ULK4: variants seen among roughly 807,000 people sequenced by gnomAD.
ULK4 encodes the protein inactive serine/threonine-protein kinase ULK4.
ULK4 carries 133 observed loss-of-function variants against 160.6 expected under a neutral mutation model. The observed-to-expected ratio is 0.83, with a 90% CI of 0.72 to 0.96. The LOEUF (loss-of-function observed/expected upper bound fraction) is 0.96. Ranked by LOEUF, ULK4 falls within the 40% of genes least tolerant of loss-of-function variation. The pLI is 0.00. For synonymous variants in ULK4, 534 were observed against 539.8 expected (o/e 0.99, Z 0.15); for missense variants, 1,580 against 1,499.5 (o/e 1.05, Z -0.89).
intron 35 of ULK4, among the ~76,000 whole-genome samples, chr3:41,390,405 C>T (rs964948887): frequency 9.9e-5 from 15 of 152,128 alleles, no homozygotes; most frequent in Non-Finnish European, 1.9e-4. Flanking sequence ...TTGCCTTCTG[C>T]TAGCTTTCGA....
At chr3:41,895,397 T>C (rs1408493330) in intron 16 of ULK4, 121 bp downstream of exon 16, 1 of 491,608 alleles carries the variant, frequency 2.0e-6, no homozygotes, top group Admixed American at 4.5e-5. Context: ...ATGAGTAGAG[T>C]CATCATTACA....
rs554932332 is a variant in ULK4, at chr3:41,488,909, A to T, written c.3227-25656T>A. Among the ~76,000 whole-genome samples, 4 of 152,174 alleles carry T rather than the reference A, an allele frequency of 2.6e-5. No homozygotes were observed. The East Asian group carries it at 7.7e-4, about 29-fold the overall frequency. Reference sequence around the variant, plus strand: ...AGGATATAAAAAATAGAGCTGAGAAAATGACACACTCCAGCCATCCTTCCT... The same window carrying T: ...AGGATATAAAAAATAGAGCTGAGAATATGACACACTCCAGCCATCCTTCCT... On this transcript the variant is annotated intron_variant, in intron 32 of 36. Transcript: ENST00000301831.
At chr3:41,581,514 CCTG>C (rs1037844234) in intron 31 of ULK4, among the ~76,000 whole-genome samples, 20 of 152,146 alleles carry the variant, frequency 1.3e-4, no homozygotes, top group African/African-American at 4.8e-4. Context: ...AATAGTCTTC[CCTG>C]CTAACATCCT....
chr3:41,662,273 G>T (rs1559469463), intron 30 of ULK4, among the ~76,000 whole-genome samples: 1 of 152,154 alleles, frequency 6.6e-6, no homozygotes. Flanking sequence ...AAGATAAAAA[G>T]GGTATTAACT....
intron 32 of ULK4, among the ~76,000 whole-genome samples, chr3:41,534,424 G>A (rs947061229): frequency 6.8e-6 from 1 of 147,154 alleles, no homozygotes; most frequent in African/African-American, 2.5e-5. Context: ...GTCTTAAAAT[G>A]TTAATAATGG....
intron 21 of ULK4, among the ~76,000 whole-genome samples, chr3:41,755,888 T>C (rs1292408633): frequency 2.0e-5 from 3 of 152,154 alleles, no homozygotes; most frequent in Non-Finnish European, 2.9e-5. Context: ...CAAGGAAACA[T>C]TCAATGAAAT....
intron 22 of ULK4, among the ~76,000 whole-genome samples, chr3:41,718,099 C>A (rs1427608797): frequency 1.3e-5 from 2 of 152,036 alleles, no homozygotes; most frequent in Non-Finnish European, 2.9e-5. Context: ...TTTGCCTTGG[C>A]GAATGGAAAC....
chr3:41,421,810 A>C (rs2125837257), intron 34 of ULK4, among the ~76,000 whole-genome samples: 1 of 152,298 alleles, frequency 6.6e-6, no homozygotes, highest in East Asian at 1.9e-4. Flanking sequence ...TCTACACTCC[A>C]AATCATTTAG....
chr3:41,748,701 AATTT>A (rs1264031972), intron 22 of ULK4, among the ~76,000 whole-genome samples: 3 of 152,210 alleles, frequency 2.0e-5, no homozygotes, highest in African/African-American at 2.4e-5. Flanking sequence ...TCACTCTTGT[AATTT>A]ATTTAACTTT....
intron 18 of ULK4, among the ~76,000 whole-genome samples, chr3:41,822,743 A>G (rs1211314430): frequency 1.5e-5 from 1 of 65,512 alleles, no homozygotes; most frequent in East Asian, 3.5e-4. Flanking sequence ...TTTTTTTTTG[A>G]GACAGTCTCG....
At chr3:41,643,701 G>T (rs2125722767) in intron 30 of ULK4, among the ~76,000 whole-genome samples, 1 of 152,132 alleles carries the variant, frequency 6.6e-6, no homozygotes, top group East Asian at 1.9e-4. Context: ...ATATGAACTT[G>T]AAAGCAGTTT....
chr3:41,924,250 C>T (rs1451407965), intron 5 of ULK4, among the ~76,000 whole-genome samples: 1 of 152,138 alleles, frequency 6.6e-6, no homozygotes. Flanking sequence ...GTGCCTTGCT[C>T]ATCGCCATAC....
At chr3:41,755,830 A>T (rs574449997) in intron 21 of ULK4, among the ~76,000 whole-genome samples, 31 of 152,216 alleles carry the variant, frequency 2.0e-4, no homozygotes, top group Non-Finnish European at 3.2e-4. Context: ...TTAGCTAACA[A>T]TACTGAATCA....
intron 12 of ULK4, among the ~76,000 whole-genome samples, chr3:41,902,510 G>A (rs1387813808): frequency 7.9e-5 from 12 of 151,104 alleles, no homozygotes; most frequent in Non-Finnish European, 1.3e-4. Flanking sequence ...CCTGGGAGGC[G>A]GAGGTTGCAG....
At chr3:41,938,707 T>C (rs1717011) in intron 2 of ULK4, among the ~76,000 whole-genome samples, 104,149 of 152,032 alleles carry the variant, frequency 0.69, 39,189 homozygotes, top group East Asian at 0.83. Context: ...ATAAATTTTT[T>C]TAAACTTGTG....
At chr3:41,680,206 T>C (rs1162907694) in intron 29 of ULK4, among the ~76,000 whole-genome samples, 2 of 152,232 alleles carry the variant, frequency 1.3e-5, no homozygotes, top group Admixed American at 6.5e-5. Context: ...TACACTCATA[T>C]ATAACAAATG....
intron 18 of ULK4, among the ~76,000 whole-genome samples, chr3:41,825,107 T>A (rs59553563): frequency 0.32 from 47,984 of 152,056 alleles, 11,160 homozygotes; most frequent in African/African-American, 0.66. Context: ...GAGGGTCCTG[T>A]CTGTTAGAAG....
At chr3:41,442,483 T>G (rs533190619) in intron 34 of ULK4, among the ~76,000 whole-genome samples, 2 of 152,282 alleles carry the variant, frequency 1.3e-5, no homozygotes, top group South Asian at 4.1e-4. Context: ...TTGCATGGTA[T>G]TAAAGGACCA....
intron 35 of ULK4, among the ~76,000 whole-genome samples, chr3:41,285,344 C>T (rs1247600926): frequency 2.0e-5 from 3 of 152,096 alleles, no homozygotes; most frequent in African/African-American, 7.2e-5. Context: ...AACCCAAATG[C>T]CCATCAATCA....
Sources: allele counts gnomAD v4.1 joint callset (sites outside exome capture counted in the v4.1 genomes callset), GRCh38; gene constraint gnomAD v4.1.1; transcripts MANE v1.5; gene names NCBI Gene and HGNC (gene_info 2026-07-23, HGNC 2026-07-21).